Variants in PIGL observed in about 807,000 individuals in gnomAD.
PIGL encodes the protein N-acetylglucosaminyl-phosphatidylinositol de-N-acetylase.
PIGL carries 22 observed loss-of-function variants against 31.1 expected under a neutral mutation model. That is an observed-to-expected ratio of 0.71 (90% CI 0.51 to 1.01). The LOEUF is 1.01. Ranked by LOEUF, PIGL falls within the 50% of genes least tolerant of loss-of-function variation. PIGL has a pLI of 0.00. For missense variants in PIGL, 302 were observed against 315.9 expected (o/e 0.96, Z 0.33); for synonymous variants, 131 against 117.4 (o/e 1.12, Z -0.75).
intron 5 of PIGL, 120 bp from the exon 6 acceptor site, chr17:16,317,655 C>T: frequency 6.6e-7 from 1 of 1,525,298 alleles, no homozygotes. Flanking sequence ...AAACACGTGG[C>T]AATGCTGTGG....
chr17:16,268,433 T>TTTTTG (rs553991367), intron 2 of PIGL, among the ~76,000 whole-genome samples: 170 of 152,220 alleles, frequency 1.1e-3, no homozygotes, highest in Middle Eastern at 3.4e-3. Flanking sequence ...TATTAGGTGT[T>TTTTTG]TTTTGTTTTG....
In PIGL at chr17:16,299,896, C is replaced by T. The variant is rs2092997102; in HGVS notation, c.344C>T (p.Pro115Leu). Reference sequence around the variant, plus strand: ...GTGCTTCTCTCTTGTAGGGATTTCCCAGATGACCCAGGCATGCAGTGGGAC... The same window carrying T: ...GTGCTTCTCTCTTGTAGGGATTTCCTAGATGACCCAGGCATGCAGTGGGAC... ...SVMIIDNRDF[P>L]DDPGMQWDTE... Residue 115 changes from proline to leucine, a missense_variant, in exon 3 of 7, where the codon CCA (proline) becomes CTA (leucine). Pro to Leu is a moderately conservative substitution (Grantham distance 98). Transcript: ENST00000225609. The T allele has an allele frequency of 1.9e-6, 3 of 1,612,968 alleles. No individual in the cohort carries two copies. Among genetic ancestry groups the T allele is most frequent in the South Asian group, 1.1e-5 (1 of 91,064 alleles).
In PIGL at chr17:16,272,551, C is replaced by A. The variant is rs558160940; in HGVS notation, c.336-27337C>A. Among the ~76,000 whole-genome samples the A allele has an allele frequency of 2.0e-5, 3 of 152,354 alleles. No homozygotes were observed. In the East Asian group the frequency reaches 5.8e-4, roughly 29 times the overall value. ...TTCATAACCAAGTATTATCTACATG[C>A]ATTGTCTTCACATCCTGTTATTAAT... On this transcript the variant is annotated intron_variant, in intron 2 of 6. Transcript: ENST00000225609.
At chr17:16,237,869 T>C (rs925116482) in intron 2 of PIGL, among the ~76,000 whole-genome samples, 1 of 150,332 alleles carries the variant, frequency 6.7e-6, no homozygotes, top group Non-Finnish European at 1.5e-5. Flanking sequence ...TCCAAGAACA[T>C]GAACATAATT....
At chr17:16,252,519 A>C (rs1211279907) in intron 2 of PIGL, among the ~76,000 whole-genome samples, 1 of 151,382 alleles carries the variant, frequency 6.6e-6, no homozygotes, top group Non-Finnish European at 1.5e-5. Context: ...TTCCACATGA[A>C]TCTGTGTAGG....
chr17:16,308,884 A>G (rs1003339780), intron 3 of PIGL, among the ~76,000 whole-genome samples: 3 of 141,742 alleles, frequency 2.1e-5, no homozygotes, highest in Non-Finnish European at 3.0e-5. Flanking sequence ...GGACCCCTGG[A>G]CTCCTTGAAA....
chr17:16,299,100 C>G (rs1455592117), intron 2 of PIGL, among the ~76,000 whole-genome samples: 1 of 151,994 alleles, frequency 6.6e-6, no homozygotes, highest in Admixed American at 6.6e-5. Flanking sequence ...CCCAGCTACT[C>G]AGGAGACTGA....
At chr17:16,298,266 A>G (rs2092990815) in intron 2 of PIGL, among the ~76,000 whole-genome samples, 2 of 152,200 alleles carry the variant, frequency 1.3e-5, no homozygotes, top group Non-Finnish European at 2.9e-5. Flanking sequence ...AAAGGGGGCC[A>G]GTTAATGACC....
intron 2 of PIGL, among the ~76,000 whole-genome samples, chr17:16,286,866 C>T (rs555223056): frequency 6.6e-6 from 1 of 152,256 alleles, no homozygotes; most frequent in African/African-American, 2.4e-5. Flanking sequence ...GCCTGGATTC[C>T]TCACCTCTTC....
chr17:16,263,913 C>T (rs1051457176), intron 2 of PIGL, among the ~76,000 whole-genome samples: 1 of 146,148 alleles, frequency 6.8e-6, no homozygotes, highest in Admixed American at 7.1e-5. Flanking sequence ...AAGGTATCAG[C>T]TCACTGCAAC....
intron 2 of PIGL, among the ~76,000 whole-genome samples, chr17:16,288,806 T>C (rs1237184191): frequency 6.6e-6 from 1 of 152,248 alleles, no homozygotes; most frequent in Non-Finnish European, 1.5e-5. Flanking sequence ...CCCAAAGTGC[T>C]GGGATTACAG....
At chr17:16,219,402 A>G (rs1041601164) in intron 1 of PIGL, among the ~76,000 whole-genome samples, 3 of 151,988 alleles carry the variant, frequency 2.0e-5, no homozygotes, top group African/African-American at 7.2e-5. Flanking sequence ...CTTCTCCCCC[A>G]AAAACCTTTG....
chr17:16,244,303 A>C (rs963437205), intron 2 of PIGL, among the ~76,000 whole-genome samples: 11 of 152,230 alleles, frequency 7.2e-5, no homozygotes, highest in African/African-American at 2.2e-4. Flanking sequence ...CTATAAATTA[A>C]GTTTCTCCCA....
At chr17:16,283,233 C>T (rs1452817113) in intron 2 of PIGL, among the ~76,000 whole-genome samples, 2 of 152,086 alleles carry the variant, frequency 1.3e-5, no homozygotes, top group Non-Finnish European at 2.9e-5. Context: ...TAACTTCTGA[C>T]CTCAGGTGAT....
At chr17:16,294,081 C>T (rs2092971500) in intron 2 of PIGL, among the ~76,000 whole-genome samples, 2 of 152,150 alleles carry the variant, frequency 1.3e-5, no homozygotes, top group Admixed American at 1.3e-4. Context: ...TGCTCCACGC[C>T]TTTCTTTTAG....
intron 6 of PIGL, among the ~76,000 whole-genome samples, chr17:16,323,413 T>C (rs1418804045): frequency 6.6e-6 from 1 of 151,964 alleles, no homozygotes; most frequent in Non-Finnish European, 1.5e-5. Flanking sequence ...TTGTATTTTT[T>C]AGTAGAGACG....
intron 6 of PIGL, among the ~76,000 whole-genome samples, chr17:16,322,445 T>C (rs1399686096): frequency 6.6e-6 from 1 of 152,208 alleles, no homozygotes; most frequent in Non-Finnish European, 1.5e-5. Flanking sequence ...GTTTTCATTT[T>C]CAATCTTTAA....
intron 2 of PIGL, among the ~76,000 whole-genome samples, chr17:16,267,623 G>C (rs2092850199): frequency 6.6e-6 from 1 of 150,910 alleles, no homozygotes; most frequent in Admixed American, 6.6e-5. Context: ...AAGATCACTT[G>C]AACCCAGACT....
Position 16,325,869 on chromosome 17 carries a change from A to G in PIGL, c.730A>G (p.Met244Val), listed in dbSNP as rs754697429. The change falls in exon 7 of 7, where the codon ATG becomes GTG. Residue 244 changes from methionine (M) to valine (V), a missense_variant. Met to Val is a conservative substitution (Grantham distance 21, BLOSUM62 1). Coordinates refer to ENST00000225609, the MANE Select transcript of PIGL (RefSeq NM_004278.4). ...CCTCTACATTATCTTCTCCCGGTAC[A>G]TGAGAATCAACTCACTGAGCTTCCT... ...RRLYIIFSRY[M>V]RINSLSFL 55 of 1,613,722 alleles carry G rather than the reference A, an allele frequency of 3.4e-5. No individual in the cohort carries two copies. The highest frequency in any genetic ancestry group is 1.6e-4 in the Middle Eastern group (1 of 6,084).
Sources: allele counts gnomAD v4.1 joint callset (sites outside exome capture counted in the v4.1 genomes callset), GRCh38; gene constraint gnomAD v4.1.1; transcripts MANE v1.5; gene names NCBI Gene and HGNC (gene_info 2026-07-23, HGNC 2026-07-21).